Variants in SRRM2 observed in about 807,000 individuals in gnomAD.
SRRM2 encodes serine/arginine repetitive matrix protein 2.
In SRRM2, 30 loss-of-function variants were observed where a neutral mutation model predicts 213.8. That is an observed-to-expected ratio of 0.14 (90% CI 0.10 to 0.19). SRRM2 has a LOEUF of 0.19. Among genes scored for constraint, SRRM2 ranks in the 10% least tolerant of loss-of-function variants. The pLI is 1.00. For synonymous variants in SRRM2, 2,025 were observed against 1,377.7 expected (o/e 1.47, Z -10.40); for missense variants, 4,904 against 3,647.0 (o/e 1.34, Z -8.88).
In SRRM2 at chr16:2,752,782, C is replaced by T. The variant is rs770136990; in HGVS notation, c.-96C>T. ...GCGGCGGCCCCAGGCCCGAGGGACTCGGGAGCTCGAGCAGCGGCGGCGGCA... is the reference window on the plus strand; with the variant it reads ...GCGGCGGCCCCAGGCCCGAGGGACTTGGGAGCTCGAGCAGCGGCGGCGGCA... On this transcript the variant is annotated 5_prime_UTR_variant, in exon 1 of 15. Coordinates refer to ENST00000301740, the MANE Select transcript of SRRM2 (RefSeq NM_016333.4). 1 of 348,280 alleles carries T rather than the reference C, an allele frequency of 2.9e-6. No homozygotes were observed. The highest frequency in any genetic ancestry group is 1.9e-5 in the South Asian group (1 of 52,232). The allele number at this position is 348,280 out of a possible 1,614,324, so 21.6% of individuals were successfully genotyped here.
In SRRM2 at chr16:2,757,788, G is replaced by A; in HGVS notation, c.358G>A (p.Glu120Lys). 6.2e-7 allele frequency: 1 copy of A among 1,613,952 alleles called. No homozygotes were observed. Among genetic ancestry groups the A allele is most frequent in the Non-Finnish European group, 8.5e-7 (1 of 1,179,944 alleles). Residue 120 changes from glutamate to lysine, a missense_variant, in exon 4 of 15, where the codon GAG (glutamate) becomes AAG (lysine). Glu to Lys is a moderately conservative substitution (Grantham distance 56, BLOSUM62 1). Coordinates refer to ENST00000301740, the MANE Select transcript of SRRM2 (RefSeq NM_016333.4). ...ETPGQRPAVTETHQLAELNEK... is the reference protein window; with the variant it reads ...ETPGQRPAVTKTHQLAELNEK... ...TGCCCTTCTTTTCTCTAGGGTCACGGAGACTCACCAGTTGGCAGAATTAAA... is the reference window on the plus strand; with the variant it reads ...TGCCCTTCTTTTCTCTAGGGTCACGAAGACTCACCAGTTGGCAGAATTAAA...
In SRRM2 at chr16:2,766,670, C is replaced by T. The variant is rs893845272; in HGVS notation, c.6142C>T (p.Leu2048Phe). Reference protein sequence around the residue: ...PRKRSRSRSPLAIRRRSRSRT... With the variant: ...PRKRSRSRSPFAIRRRSRSRT... ...CAAACGTTCTCGAAGTCGCTCACCA[C>T]TTGCTATCCGCCGCCGCTCCAGATC... The change falls in exon 11 of 15, where the codon CTT becomes TTT. Residue 2048 changes from leucine (L) to phenylalanine (F), a missense_variant. Transcript: ENST00000301740. The surrounding 1 kb of genome is among the most constrained non-coding windows in gnomAD (Gnocchi z 7.0). 2.5e-6 allele frequency: 4 copies of T among 1,614,068 alleles called. No individual in the cohort carries two copies. The highest frequency in any genetic ancestry group is 1.3e-5 in the African/African-American group (1 of 74,920).
Position 2,771,255 on chromosome 16 carries a change from A to C in SRRM2, c.*388A>C, listed in dbSNP as rs1197606119. The C allele has an allele frequency of 4.1e-6, 3 of 735,798 alleles. No homozygotes were observed. Among genetic ancestry groups the C allele is most frequent in the Non-Finnish European group, 7.1e-6 (3 of 424,782 alleles). 45.6% of individuals were successfully genotyped at this position (735,798 alleles called of 1,614,324 possible). A position where few individuals can be genotyped will look rare whatever the true frequency, so the allele number is the denominator to read the frequency against. On this transcript the variant is annotated 3_prime_UTR_variant, in exon 15 of 15. Transcript: ENST00000301740. The stretch of plus-strand genomic sequence containing the variant: ...GGTTGTATAAGGTGTTCTTGGAAGG[A>C]AGGGGCAGGAGTTGGAATTAGTTGG...
intron 1 of SRRM2, among the ~76,000 whole-genome samples, chr16:2,754,248 C>G (rs1164456273): frequency 6.6e-6 from 1 of 151,662 alleles, no homozygotes; most frequent in African/African-American, 2.4e-5. Context: ...AAAAGTTCTC[C>G]GAAACATTGT....
Position 2,762,277 on chromosome 16 carries a change from G to C in SRRM2, c.1749G>C (p.Arg583Ser), listed in dbSNP as rs767415925. 6.2e-7 allele frequency: 1 copy of C among 1,614,078 alleles called. No individual in the cohort carries two copies. The highest frequency in any genetic ancestry group is 8.5e-7 in the Non-Finnish European group (1 of 1,180,006). Residue 583 changes from arginine to serine, a missense_variant, in exon 11 of 15, where the codon AGG becomes AGC. By Grantham distance (110) the Arg-to-Ser change is moderately radical. Transcript: ENST00000301740. ...CTAGAACACCAGCCCGCCGGGGCAG[G>C]TCCCGCTCTAGAACACCTGCCAGGC... The part of the protein sequence containing the change: ...SRSRTPARRG[R>S]SRSRTPARRR...
At position 2,761,698 on chromosome 16, in the gene SRRM2, A is replaced by C. The variant is rs781521193; in HGVS notation, c.1170A>C (p.Pro390=). ...PLATTPLSQE[P]VNPPSEASPT... is the part of the protein sequence containing the mutation. ...CAACCACCCCCTTAAGCCAGGAGCC[A>C]GTGAACCCCCCATCTGAGGCCTCTC... The change falls in exon 11 of 15, where the codon CCA becomes CCC. Residue 390 remains proline, a synonymous_variant. Coordinates refer to ENST00000301740, the MANE Select transcript of SRRM2 (RefSeq NM_016333.4). The C allele has an allele frequency of 2.5e-6, 4 of 1,604,696 alleles. No individual in the cohort carries two copies. The Admixed American group carries it at 6.8e-5, about 27-fold the overall frequency.
chr16:2,761,196 G>A (rs1023488376), intron 10 of SRRM2, among the ~76,000 whole-genome samples: 1 of 151,938 alleles, frequency 6.6e-6, no homozygotes, highest in Non-Finnish European at 1.5e-5. Context: ...GTTTCTTTTC[G>A]TTTAATAGAG....
chr16:2,760,234 G>C, intron 9 of SRRM2, 67 bp from the exon 10 acceptor site: 1 of 1,494,272 alleles, frequency 6.7e-7, no homozygotes, highest in Non-Finnish European at 9.1e-7. Flanking sequence ...GAGTTGGGGA[G>C]GGGGTTTTCT....
chr16:2,764,040 C>A lies in SRRM2; in HGVS notation c.3512C>A (p.Pro1171His). 1 of 1,614,128 alleles carries A rather than the reference C, an allele frequency of 6.2e-7. No homozygotes were observed. The highest frequency in any genetic ancestry group is 2.2e-5 in the East Asian group (1 of 44,874). Residue 1171 changes from proline to histidine, a missense_variant, in exon 11 of 15, where the codon CCC becomes CAC. Pro to His is a moderately conservative substitution (Grantham distance 77). Coordinates refer to ENST00000301740, the MANE Select transcript of SRRM2 (RefSeq NM_016333.4). Reference sequence around the variant, plus strand: ...GAATCAAAAGAGAAAATGGCCTTACCCCCTCAGGAGGATGCTACTGCATCA... The same window carrying A: ...GAATCAAAAGAGAAAATGGCCTTACACCCTCAGGAGGATGCTACTGCATCA... Reference protein sequence around the residue: ...TAESKEKMALPPQEDATASPP... With the variant: ...TAESKEKMALHPQEDATASPP...
intron 5 of SRRM2, 49 bp from the exon 6 acceptor site, chr16:2,758,936 C>T (rs1567222492): frequency 6.2e-7 from 1 of 1,607,048 alleles, no homozygotes; most frequent in Non-Finnish European, 8.5e-7. Flanking sequence ...AGTGGGAGGG[C>T]CAGGAAAGAA....
intron 9 of SRRM2, chr16:2,760,057 G>T: frequency 3.5e-6 from 2 of 575,034 alleles, no homozygotes; most frequent in South Asian, 2.0e-5. Flanking sequence ...GGATGGTTTG[G>T]GGATGTTTGG....
In SRRM2 at chr16:2,766,348, A is replaced by G. The variant is rs1179718071; in HGVS notation, c.5820A>G (p.Pro1940=). 6.2e-7 allele frequency: 1 copy of G among 1,614,142 alleles called. No individual in the cohort carries two copies. Among genetic ancestry groups the G allele is most frequent in the Non-Finnish European group, 8.5e-7 (1 of 1,179,994 alleles). The part of the protein sequence containing the change: ...VTRRRSRSRT[P]TTRRRSRSRT... ...GCCGTCGTTCAAGGTCTAGAACGCC[A>G]ACAACACGCCGCCGCTCCCGTTCTA... Residue 1940 remains proline, a synonymous_variant, in exon 11 of 15, where the codon CCA becomes CCG. Transcript: ENST00000301740. The surrounding 1 kb of genome is among the most constrained non-coding windows in gnomAD (Gnocchi z 7.0).
At chr16:2,759,456 G>A in intron 8 of SRRM2, 54 bp downstream of exon 8, 2 of 1,597,340 alleles carry the variant, frequency 1.3e-6, no homozygotes, top group South Asian at 2.3e-5. Context: ...CCACCTTAGT[G>A]GGAGGGAGTT....
intron 12 of SRRM2, 161 bp from the exon 13 acceptor site, chr16:2,770,191 A>G (rs2068692111): frequency 1.4e-6 from 2 of 1,444,536 alleles, no homozygotes; most frequent in African/African-American, 2.9e-5. Context: ...CACTCGGTGG[A>G]TGGTGTGCGG....
Position 2,763,753 on chromosome 16 carries a change from A to G in SRRM2, c.3225A>G (p.Glu1075=). ...PDHRSDTSSP[E]VRQSHSESPS... The stretch of plus-strand genomic sequence containing the variant: ...ACAGATCTGATACTTCAAGTCCAGA[A>G]GTGAGACAGAGTCATTCAGAATCAC... Residue 1075 remains glutamate (E), a synonymous_variant, in exon 11 of 15, where the codon GAA becomes GAG. Coordinates refer to ENST00000301740, the MANE Select transcript of SRRM2 (RefSeq NM_016333.4). 6.2e-7 allele frequency: 1 copy of G among 1,614,200 alleles called. No individual in the cohort carries two copies. Among genetic ancestry groups the G allele is most frequent in the Non-Finnish European group, 8.5e-7 (1 of 1,180,044 alleles).
At position 2,766,956 on chromosome 16, in the gene SRRM2, G is replaced by A; in HGVS notation, c.6428G>A (p.Arg2143Lys). The A allele has an allele frequency of 6.2e-7, 1 of 1,613,948 alleles. No individual in the cohort carries two copies. Among genetic ancestry groups the A allele is most frequent in the Non-Finnish European group, 8.5e-7 (1 of 1,179,994 alleles). Residue 2143 changes from arginine to lysine, a missense_variant, in exon 11 of 15, where the codon AGA (arginine) becomes AAA (lysine). By Grantham distance (26) the Arg-to-Lys change is conservative. Coordinates refer to ENST00000301740, the MANE Select transcript of SRRM2 (RefSeq NM_016333.4). This position sits in a 1 kb window ranked among gnomAD's most constrained non-coding sequence, Gnocchi z 7.0. ...ATGCTTGAACCCCTTGGCAGCTCTAGAACACCCATGTCTGTCCTGCAGCAA... is the reference window on the plus strand; with the variant it reads ...ATGCTTGAACCCCTTGGCAGCTCTAAAACACCCATGTCTGTCCTGCAGCAA... Reference protein sequence around the residue: ...PGMLEPLGSSRTPMSVLQQAG... With the variant: ...PGMLEPLGSSKTPMSVLQQAG...
chr16:2,762,791 T>A lies in SRRM2; in HGVS notation c.2263T>A (p.Ser755Thr). Residue 755 changes from serine to threonine, a missense_variant, in exon 11 of 15, where the codon TCT becomes ACT. Coordinates refer to ENST00000301740, the MANE Select transcript of SRRM2 (RefSeq NM_016333.4). Reference protein sequence around the residue: ...SSPEMKKSRISSRRSRSLSSP... With the variant: ...SSPEMKKSRITSRRSRSLSSP... Reference sequence around the variant, plus strand: ...CCCAGAAATGAAGAAATCTCGCATTTCTTCAAGGCGGAGCAGGTCTCTCTC... The same window carrying A: ...CCCAGAAATGAAGAAATCTCGCATTACTTCAAGGCGGAGCAGGTCTCTCTC... 1 of 1,614,082 alleles carries A rather than the reference T, an allele frequency of 6.2e-7. No homozygotes were observed. Among genetic ancestry groups the A allele is most frequent in the Non-Finnish European group, 8.5e-7 (1 of 1,180,014 alleles).
At chr16:2,754,516 T>C (rs2068073080) in intron 1 of SRRM2, among the ~76,000 whole-genome samples, 1 of 152,174 alleles carries the variant, frequency 6.6e-6, no homozygotes, top group Non-Finnish European at 1.5e-5. Context: ...GGTGTCAATC[T>C]CCTGATCTGG....
chr16:2,754,237 T>C (rs1421438290), intron 1 of SRRM2, among the ~76,000 whole-genome samples: 8 of 152,070 alleles, frequency 5.3e-5, no homozygotes, highest in Non-Finnish European at 1.2e-4. Context: ...GCTCATTCCC[T>C]AAAAGTTCTC....
Sources: gnomAD v4.1 joint callset for allele counts (sites outside exome capture counted in the v4.1 genomes callset) on GRCh38, gnomAD v4.1.1 for gene constraint, Gnocchi (gnomAD v3.1) non-coding constraint, MANE v1.5 for transcripts, NCBI Gene and HGNC (gene_info 2026-07-23, HGNC 2026-07-21) for gene names.